Variants in HEMK2 observed in about 807,000 individuals in gnomAD.
HEMK2 encodes the protein HemK methyltransferase 2, ETF1 glutamine and histone H4 lysine, also known as methyltransferase HEMK2.
the HEMK2 span, among the ~76,000 whole-genome samples, chr21:28,836,053 G>T: frequency 2.6e-5 from 4 of 152,162 alleles, no homozygotes; most frequent in African/African-American, 9.7e-5. Flanking sequence ...AAAAGCTTGG[G>T]AAACATATTT....
the HEMK2 span, among the ~76,000 whole-genome samples, chr21:28,640,133 T>G: frequency 6.6e-6 from 1 of 152,206 alleles, no homozygotes; most frequent in Non-Finnish European, 1.5e-5. Flanking sequence ...TACAGATAGA[T>G]AGAAGAATGC....
chr21:28,671,475 A>G, the HEMK2 span, among the ~76,000 whole-genome samples: 1 of 152,228 alleles, frequency 6.6e-6, no homozygotes, highest in Admixed American at 6.5e-5. Context: ...ATCCAGCCTT[A>G]GAGGTGAGCA....
chr21:28,688,769 G>A, the HEMK2 span, among the ~76,000 whole-genome samples: 1 of 151,978 alleles, frequency 6.6e-6, no homozygotes, highest in African/African-American at 2.4e-5. Context: ...TCTCCATTTT[G>A]TTTACTTTTA....
At chr21:28,610,624 G>T in the HEMK2 span, among the ~76,000 whole-genome samples, 1 of 151,994 alleles carries the variant, frequency 6.6e-6, no homozygotes, top group Non-Finnish European at 1.5e-5. Flanking sequence ...AATGGATAAG[G>T]ATTCACCAAC....
At chr21:28,725,228 T>C in the HEMK2 span, among the ~76,000 whole-genome samples, 4 of 152,162 alleles carry the variant, frequency 2.6e-5, no homozygotes, top group African/African-American at 9.7e-5. Flanking sequence ...GCATGCTAAA[T>C]TGTATTGAAA....
At chr21:28,756,516 C>A in the HEMK2 span, among the ~76,000 whole-genome samples, 1 of 152,128 alleles carries the variant, frequency 6.6e-6, no homozygotes, top group Non-Finnish European at 1.5e-5. Flanking sequence ...ATTTGAGTCT[C>A]ACCTTGTATT....
At chr21:28,669,515 G>C in the HEMK2 span, among the ~76,000 whole-genome samples, 2 of 152,174 alleles carry the variant, frequency 1.3e-5, no homozygotes, top group South Asian at 4.1e-4. Flanking sequence ...TGGCCAGTGA[G>C]ATGTGGGCGA....
the HEMK2 span, among the ~76,000 whole-genome samples, chr21:28,860,398 T>G: frequency 6.6e-6 from 1 of 151,842 alleles, no homozygotes; most frequent in Non-Finnish European, 1.5e-5. Context: ...AGACAGCCTA[T>G]GAAGGGACCT....
the HEMK2 span, among the ~76,000 whole-genome samples, chr21:28,586,140 G>C: frequency 0.024 from 3,711 of 152,218 alleles, 158 homozygotes; most frequent in African/African-American, 0.086. Context: ...GCATCTTTGC[G>C]ATGTTTGAAT....
the HEMK2 span, among the ~76,000 whole-genome samples, chr21:28,845,804 T>C: frequency 6.6e-6 from 1 of 152,194 alleles, no homozygotes; most frequent in Non-Finnish European, 1.5e-5. Context: ...CTTTAAAGTT[T>C]TTATTTTAAG....
chr21:28,637,801 A>G, the HEMK2 span, among the ~76,000 whole-genome samples: 1 of 152,338 alleles, frequency 6.6e-6, no homozygotes. Context: ...GAATTTTAAT[A>G]TAAGCATGAT....
At chr21:28,805,577 C>T in the HEMK2 span, among the ~76,000 whole-genome samples, 1 of 152,184 alleles carries the variant, frequency 6.6e-6, no homozygotes, top group Admixed American at 6.5e-5. Flanking sequence ...GCTTCTCAAA[C>T]AAAGCAGTAT....
chr21:28,711,389 G>T, the HEMK2 span, among the ~76,000 whole-genome samples: 1 of 152,078 alleles, frequency 6.6e-6, no homozygotes, highest in African/African-American at 2.4e-5. Flanking sequence ...AAGTGAATTT[G>T]GTCCAGGCCA....
At chr21:28,694,855 G>A in the HEMK2 span, among the ~76,000 whole-genome samples, 1,062 of 152,166 alleles carry the variant, frequency 7.0e-3, 10 homozygotes, top group African/African-American at 0.024. Context: ...AAAATTAGCC[G>A]GGCGTGGTGG....
the HEMK2 span, among the ~76,000 whole-genome samples, chr21:28,583,747 T>G: frequency 2.4e-3 from 367 of 152,314 alleles, 3 homozygotes; most frequent in African/African-American, 8.4e-3. Context: ...TGCATGGTTC[T>G]GTGAATGATT....
the HEMK2 span, among the ~76,000 whole-genome samples, chr21:28,768,179 C>T: frequency 6.6e-6 from 1 of 152,060 alleles, no homozygotes; most frequent in East Asian, 1.9e-4. Flanking sequence ...CTTCTCTTAC[C>T]CTGGGCTTCC....
the HEMK2 span, among the ~76,000 whole-genome samples, chr21:28,833,172 T>C: frequency 3.9e-5 from 6 of 152,222 alleles, no homozygotes; most frequent in African/African-American, 1.4e-4. Context: ...GCTTTTACTA[T>C]CCTCTTCTAT....
chr21:28,744,854 T>C, the HEMK2 span, among the ~76,000 whole-genome samples: 1 of 152,090 alleles, frequency 6.6e-6, no homozygotes, highest in Non-Finnish European at 1.5e-5. Context: ...GACCATAAAT[T>C]AAAAACAGTA....
chr21:28,655,518 GCAGCT>G, the HEMK2 span, among the ~76,000 whole-genome samples: 23 of 152,192 alleles, frequency 1.5e-4, no homozygotes, highest in African/African-American at 5.5e-4. Context: ...AGGGCAGGAA[GCAGCT>G]CAGACTGGTG....
Sources: allele counts gnomAD v4.1 joint callset (sites outside exome capture counted in the v4.1 genomes callset), GRCh38; gene constraint gnomAD v4.1.1; transcripts MANE v1.5; gene names NCBI Gene and HGNC (gene_info 2026-07-23, HGNC 2026-07-21).